The following CDH23 variants were observed in gnomAD, a reference collection of about 807,000 sequenced individuals.
CDH23 encodes the protein cadherin-23.
Under a neutral mutation model 317.1 loss-of-function variants are expected in CDH23, and 189 were observed. That is an observed-to-expected ratio of 0.60 (90% confidence interval 0.53 to 0.67). The LOEUF is 0.67. Among genes scored for constraint, CDH23 ranks in the 30% least tolerant of loss-of-function variants. CDH23 has a pLI of 0.00. For missense variants in CDH23, 4,401 were observed against 4,592.4 expected, an observed-to-expected ratio of 0.96 and a Z score of 1.20; for synonymous variants, 1,839 against 1,876.8, an observed-to-expected ratio of 0.98 and a Z score of 0.52.
In CDH23 at chr10:71,609,962, G is replaced by T. The variant is rs1272346201; in HGVS notation, c.833-5542G>T. 1.1e-4 allele frequency among the ~76,000 whole-genome samples: 11 copies of T among 100,052 alleles called. No individual in the cohort carries two copies. In the East Asian group the frequency reaches 2.4e-3, roughly 22 times the overall value. The allele number at this position is 100,052 out of a possible 152,430, so 65.6% of individuals were successfully genotyped here. On this transcript the variant is annotated intron_variant, in intron 9 of 69. Transcript: ENST00000224721. The stretch of plus-strand genomic sequence containing the variant: ...TGTAAGGACTCCCCCGTGTGTGTGT[G>T]TGTGTGTGTGTGTGTGTGTGTGTGT...
intron 6 of CDH23, among the ~76,000 whole-genome samples, chr10:71,533,808 C>T (rs1855553131): frequency 6.6e-6 from 1 of 151,958 alleles, no homozygotes; most frequent in African/African-American, 2.4e-5. Flanking sequence ...CAGAGCAAGA[C>T]GTGCAAATAA....
At chr10:71,766,512 G>T (rs554818232) in intron 38 of CDH23, among the ~76,000 whole-genome samples, 7 of 152,158 alleles carry the variant, frequency 4.6e-5, no homozygotes, top group Non-Finnish European at 7.3e-5. Flanking sequence ...TGCCCTCATT[G>T]TGTGCCCTTG....
At position 71,803,037 on chromosome 10, in the gene CDH23, A is replaced by G. The variant is rs745345746; in HGVS notation, c.7622A>G (p.Asn2541Ser). The G allele has an allele frequency of 3.3e-5, 53 of 1,598,084 alleles. No individual in the cohort carries two copies. Among genetic ancestry groups the G allele is most frequent in the Non-Finnish European group, 4.3e-5 (50 of 1,170,490 alleles). ...GCCACTGACCAGGATGAAGGTCCCA[A>G]TGGAGAGTTGACCTACTCACTTGAG... ...MMATDQDEGP[N>S]GELTYSLEGP... is the part of the protein sequence containing the mutation. The change falls in exon 54 of 70, where the codon AAT becomes AGT. Residue 2541 changes from asparagine to serine, a missense_variant. Physicochemically the swap from Asn to Ser is conservative, Grantham distance 46. This residue lies in a region of CDH23 where 1,144 missense variants were observed against 1,138.2 expected (regional missense o/e 1.01). Transcript: ENST00000224721.
chr10:71,608,469 A>G (rs1860660236), intron 9 of CDH23, among the ~76,000 whole-genome samples: 1 of 152,178 alleles, frequency 6.6e-6, no homozygotes, highest in Admixed American at 6.5e-5. Flanking sequence ...CTCATAAGCC[A>G]TGGCTTTTTT....
chr10:71,617,135 T>C, intron 10 of CDH23, 70 bp from the exon 11 acceptor site: 5 of 1,527,552 alleles, frequency 3.3e-6, no homozygotes, highest in Non-Finnish European at 4.4e-6. Context: ...GCTGAGAAAG[T>C]CTTTGGTAAG....
intron 41 of CDH23, among the ~76,000 whole-genome samples, chr10:71,780,140 A>G (rs1372826372): frequency 6.6e-6 from 1 of 152,194 alleles, no homozygotes; most frequent in Non-Finnish European, 1.5e-5. Context: ...GCAGAAATCC[A>G]AATCTTTGTG....
chr10:71,536,677 C>T (rs1324456229), intron 6 of CDH23, among the ~76,000 whole-genome samples: 1 of 152,052 alleles, frequency 6.6e-6, no homozygotes, highest in Non-Finnish European at 1.5e-5. Context: ...TGATATTCAA[C>T]GCATAGTCCC....
intron 3 of CDH23, among the ~76,000 whole-genome samples, chr10:71,471,737 C>T (rs971645219): frequency 3.5e-4 from 54 of 152,258 alleles, no homozygotes; most frequent in African/African-American, 1.2e-3. Context: ...GCCATTCCTG[C>T]GGCCTGGTAC....
At chr10:71,432,441 G>A (rs1212074587) in intron 1 of CDH23, among the ~76,000 whole-genome samples, 2 of 151,132 alleles carry the variant, frequency 1.3e-5, no homozygotes, top group African/African-American at 2.4e-5. Flanking sequence ...GTGTGTTTGA[G>A]AGCGTGTGTG....
intron 28 of CDH23, chr10:71,713,176 C>T (rs773124209): frequency 1.3e-6 from 1 of 779,372 alleles, no homozygotes; most frequent in Non-Finnish European, 2.4e-6. Flanking sequence ...CCCAGCAAGG[C>T]CCAGAACAGA....
intron 48 of CDH23, among the ~76,000 whole-genome samples, chr10:71,796,448 C>T (rs1157779244): frequency 1.3e-5 from 2 of 152,186 alleles, no homozygotes; most frequent in African/African-American, 4.8e-5. Context: ...GCCCATGTCA[C>T]TCCCTATTTA....
intron 14 of CDH23, among the ~76,000 whole-genome samples, chr10:71,665,745 G>A (rs528031703): frequency 5.3e-5 from 8 of 152,302 alleles, no homozygotes; most frequent in African/African-American, 1.4e-4. Flanking sequence ...CCACGTGCAC[G>A]TAGGGCAGAA....
chr10:71,692,303 G>A (rs540696819), intron 20 of CDH23, among the ~76,000 whole-genome samples: 3 of 152,052 alleles, frequency 2.0e-5, no homozygotes, highest in Non-Finnish European at 4.4e-5. Flanking sequence ...CTCCCCAGTC[G>A]GGGCTCCAGC....
Position 71,716,190 on chromosome 10 carries a change from C to T in CDH23, c.3369+3377C>T, listed in dbSNP as rs371387549. The T allele has an allele frequency of 2.7e-5, 42 of 1,550,804 alleles. 1 individual carries two copies. In the African/African-American group the frequency reaches 4.9e-4, roughly 18 times the overall value. On this transcript the variant is annotated intron_variant, in intron 28 of 69. Coordinates refer to ENST00000224721, the MANE Select transcript of CDH23 (RefSeq NM_022124.6). ...AGCGTCATGAACAGCAGACAGGTGG[C>T]CAGCAGGAGGAAGATGCAGGCCAGG...
intron 9 of CDH23, among the ~76,000 whole-genome samples, chr10:71,608,520 C>T (rs1564684516): frequency 6.6e-6 from 1 of 152,304 alleles, no homozygotes; most frequent in East Asian, 1.9e-4. Flanking sequence ...AGGACTAGGC[C>T]CCAAGTATGC....
At chr10:71,684,596 C>T (rs941501231) in intron 18 of CDH23, among the ~76,000 whole-genome samples, 2 of 152,210 alleles carry the variant, frequency 1.3e-5, no homozygotes, top group Non-Finnish European at 2.9e-5. Context: ...AATCGTGATA[C>T]CTGCCTCATG....
At chr10:71,458,317 G>A (rs749947324) in intron 3 of CDH23, among the ~76,000 whole-genome samples, 1 of 152,252 alleles carries the variant, frequency 6.6e-6, no homozygotes, top group Non-Finnish European at 1.5e-5. Flanking sequence ...CCTCACCCAT[G>A]TGCCTTCCCT....
intron 6 of CDH23, among the ~76,000 whole-genome samples, chr10:71,554,581 G>A (rs541093040): frequency 6.3e-4 from 96 of 152,064 alleles, no homozygotes; most frequent in Non-Finnish European, 8.5e-4. Flanking sequence ...TGCAGCCCTG[G>A]GTTCAGAGAC....
intron 3 of CDH23, among the ~76,000 whole-genome samples, chr10:71,487,262 T>C (rs777764901): frequency 7.3e-4 from 111 of 152,228 alleles, no homozygotes; most frequent in Non-Finnish European, 1.4e-3. Context: ...TAAATATATA[T>C]GAGTGTGTAT....
Sources: allele counts gnomAD v4.1 joint callset (sites outside exome capture counted in the v4.1 genomes callset), GRCh38; gene constraint gnomAD v4.1.1; regional missense constraint gnomAD v4.1.1; transcripts MANE v1.5; gene names NCBI Gene and HGNC (gene_info 2026-07-23, HGNC 2026-07-21).